The following NRCAM variants were observed in gnomAD, a reference collection of about 807,000 sequenced individuals.
NRCAM encodes the protein neuronal cell adhesion molecule.
NRCAM carries 83 observed loss-of-function variants against 156.5 expected under a neutral mutation model. That is an observed-to-expected ratio of 0.53 (90% CI 0.44 to 0.64). The LOEUF (loss-of-function observed/expected upper bound fraction) is 0.64. Among genes scored for constraint, NRCAM ranks in the 30% least tolerant of loss-of-function variants. The pLI, the probability that NRCAM is intolerant of heterozygous loss-of-function variation, is 0.00. For synonymous variants in NRCAM, 538 were observed against 563.9 expected (o/e 0.95, Z 0.65); for missense variants, 1,417 against 1,597.3 (o/e 0.89, Z 1.92).
chr7:108,188,229 G>T (rs1040221910), intron 20 of NRCAM, among the ~76,000 whole-genome samples: 3 of 152,106 alleles, frequency 2.0e-5, no homozygotes, highest in African/African-American at 7.2e-5. Flanking sequence ...TGACTTCTGG[G>T]ACCTTTGCTG....
rs983681149 is a variant in NRCAM, at chr7:108,159,552, C to T, written c.3599-11G>A. On this transcript the variant is annotated splice_polypyrimidine_tract_variant and intron_variant, in intron 31 of 32. Transcript: ENST00000379028. ...CTTCCTTTTCTTTAACTAAAAAATGCCAAAATGGTATTATTATCTGTTGAT... is the reference window on the plus strand; with the variant it reads ...CTTCCTTTTCTTTAACTAAAAAATGTCAAAATGGTATTATTATCTGTTGAT... 1 of 1,605,128 alleles carries T rather than the reference C, an allele frequency of 6.2e-7. No individual in the cohort carries two copies. The highest frequency in any genetic ancestry group is 1.3e-5 in the African/African-American group (1 of 74,676).
Position 108,277,374 on chromosome 7 carries a change from A to G in NRCAM, c.-107+35291T>C, listed in dbSNP as rs368395318. 2.8e-4 allele frequency among the ~76,000 whole-genome samples: 42 copies of G among 152,292 alleles called. No individual in the cohort carries two copies. In the East Asian group the frequency reaches 7.2e-3, roughly 26 times the overall value. On this transcript the variant is annotated intron_variant, in intron 3 of 32. Transcript: ENST00000379028. ...CTCCCTGTCACTTTCAGGTATACCA[A>G]TCAAATGTAGATTTGGTATTTTCAC...
intron 1 of NRCAM, among the ~76,000 whole-genome samples, chr7:108,401,298 T>C (rs1430158895): frequency 1.3e-5 from 2 of 151,832 alleles, no homozygotes; most frequent in Admixed American, 1.3e-4. Context: ...CCCACCACTT[T>C]AGGAGGCTGA....
intron 1 of NRCAM, among the ~76,000 whole-genome samples, chr7:108,415,672 G>A (rs1800643750): frequency 6.6e-6 from 1 of 152,210 alleles, no homozygotes; most frequent in Admixed American, 6.5e-5. Context: ...TCTGAGGTCA[G>A]GAGTTTGAGA....
chr7:108,281,900 G>T (rs1366061860), intron 3 of NRCAM, among the ~76,000 whole-genome samples: 1 of 152,354 alleles, frequency 6.6e-6, no homozygotes, highest in East Asian at 1.9e-4. Flanking sequence ...ACACAATTGG[G>T]TGAAGTAAGT....
At chr7:108,223,634 A>G (rs1420839087) in intron 11 of NRCAM, 91 bp downstream of exon 11, 10 of 579,400 alleles carry the variant, frequency 1.7e-5, no homozygotes, top group East Asian at 1.2e-4. Context: ...GTAGAAGACA[A>G]TGACTCCTCC....
At chr7:108,234,837 T>C in intron 5 of NRCAM, 149 bp from the exon 6 acceptor site, 1 of 766,728 alleles carries the variant, frequency 1.3e-6, no homozygotes, top group Non-Finnish European at 2.4e-6. Context: ...TATACTTCAG[T>C]AGATTTTTCT....
At chr7:108,311,704 A>G (rs1231446900) in intron 3 of NRCAM, among the ~76,000 whole-genome samples, 1 of 152,212 alleles carries the variant, frequency 6.6e-6, no homozygotes, top group East Asian at 1.9e-4. Flanking sequence ...ACACAATGGA[A>G]GCAAATTCAG....
At chr7:108,414,786 C>CA (rs1799451263) in intron 1 of NRCAM, among the ~76,000 whole-genome samples, 1 of 152,116 alleles carries the variant, frequency 6.6e-6, no homozygotes, top group South Asian at 2.1e-4. Flanking sequence ...GCTGGGAAGA[C>CA]AGAGAAGGGG....
chr7:108,274,434 CTCCT>C (rs2097512173), intron 3 of NRCAM, among the ~76,000 whole-genome samples: 1 of 152,100 alleles, frequency 6.6e-6, no homozygotes, highest in African/African-American at 2.4e-5. Flanking sequence ...GTTTGTAGTT[CTCCT>C]TGAAGAGGTC....
intron 3 of NRCAM, among the ~76,000 whole-genome samples, chr7:108,292,450 T>C (rs2098330175): frequency 6.6e-6 from 1 of 152,204 alleles, no homozygotes; most frequent in Non-Finnish European, 1.5e-5. Flanking sequence ...GCAATTGAAG[T>C]TTTAGAGACT....
intron 1 of NRCAM, among the ~76,000 whole-genome samples, chr7:108,455,479 C>T (rs1346606048): frequency 1.3e-5 from 2 of 152,156 alleles, no homozygotes; most frequent in Admixed American, 6.5e-5. Flanking sequence ...GGTGCGCCGG[C>T]CCCGACAAGT....
At chr7:108,235,504 A>C (rs147783048) in intron 5 of NRCAM, among the ~76,000 whole-genome samples, 31 of 152,274 alleles carry the variant, frequency 2.0e-4, no homozygotes, top group Admixed American at 7.2e-4. Flanking sequence ...AATTTTTTAC[A>C]ACCTGTTTTT....
At chr7:108,180,936 G>A (rs146098264) in intron 24 of NRCAM, among the ~76,000 whole-genome samples, 85 of 152,318 alleles carry the variant, frequency 5.6e-4, no homozygotes, top group African/African-American at 2.0e-3. Flanking sequence ...CACAGCCACA[G>A]AGGTATCAAG....
At chr7:108,182,056 T>G in intron 23 of NRCAM, 119 bp from the exon 24 acceptor site, 1 of 671,348 alleles carries the variant, frequency 1.5e-6, no homozygotes, top group Non-Finnish European at 2.6e-6. Context: ...CTATGGATTA[T>G]TAAGGCTTGA....
intron 3 of NRCAM, among the ~76,000 whole-genome samples, chr7:108,284,729 G>C (rs1157353670): frequency 6.6e-6 from 1 of 152,140 alleles, no homozygotes; most frequent in Non-Finnish European, 1.5e-5. Flanking sequence ...TTACTTGTCT[G>C]TCCCCAGGAA....
chr7:108,150,043 C>A lies in NRCAM; in HGVS notation c.3782G>T (p.Gly1261Val), dbSNP rs370347834. 78 of 1,613,962 alleles carry A rather than the reference C, an allele frequency of 4.8e-5. No individual in the cohort carries two copies. Among genetic ancestry groups the A allele is most frequent in the Non-Finnish European group, 1.0e-5 (12 of 1,179,958 alleles). ...ATCCTCATTGAACTGGCCATTAACC[C>A]CTTCTCCATAGTCAACTAGGCTGTC... ...SDDSLVDYGEGVNGQFNEDGS... is the reference protein window; with the variant it reads ...SDDSLVDYGEVVNGQFNEDGS... Residue 1261 changes from glycine to valine, a missense_variant, in exon 33 of 33, where the codon GGG becomes GTG. Transcript: ENST00000379028.
chr7:108,441,049 T>C (rs1289108274), intron 1 of NRCAM, among the ~76,000 whole-genome samples: 2 of 152,200 alleles, frequency 1.3e-5, no homozygotes, highest in Non-Finnish European at 2.9e-5. Context: ...GTAGGTTTGT[T>C]GTTCTTAAGC....
intron 32 of NRCAM, among the ~76,000 whole-genome samples, chr7:108,151,965 C>T (rs928895195): frequency 6.6e-6 from 1 of 152,110 alleles, no homozygotes; most frequent in Non-Finnish European, 1.5e-5. Context: ...CATCTATCCA[C>T]CCATGCCTTC....
Sources: gnomAD v4.1 joint callset for allele counts (sites outside exome capture counted in the v4.1 genomes callset) on GRCh38, gnomAD v4.1.1 for gene constraint, MANE v1.5 for transcripts, NCBI Gene and HGNC (gene_info 2026-07-23, HGNC 2026-07-21) for gene names.